Variants in ZNF644 observed in about 807,000 individuals in gnomAD.
The protein encoded by ZNF644 is zinc finger protein 644, also known as zinc finger motif enhancer binding protein 2.
ZNF644 carries 20 observed loss-of-function variants against 108.0 expected under a neutral mutation model. The ratio of observed to expected loss-of-function variants is 0.19; its 90% CI spans 0.13 to 0.27. The LOEUF is 0.27. ZNF644 is among the 10% of genes least tolerant of loss of function. The pLI, the probability that ZNF644 is intolerant of heterozygous loss-of-function variation, is 1.00. For synonymous variants in ZNF644, 542 were observed against 539.1 expected, an observed-to-expected ratio of 1.01 and a Z score of -0.08; for missense variants, 1,338 against 1,548.9, an observed-to-expected ratio of 0.86 and a Z score of 2.29.
chr1:90,938,052 G>T lies in ZNF644; in HGVS notation c.3121C>A (p.Gln1041Lys). 1 of 1,610,678 alleles carries T rather than the reference G, an allele frequency of 6.2e-7. No individual in the cohort carries two copies. The highest frequency in any genetic ancestry group is 1.1e-5 in the South Asian group (1 of 91,054). ...GTATCAAACCAACCACCACAGAGCT[G>T]ACAAGTGTGTTCAGAAGTGGTTTCA... ...KSETTSEHTC[Q>K]LCGGWFDTKI... is the part of the protein sequence containing the mutation. Residue 1041 changes from glutamine (Q) to lysine (K), a missense_variant, in exon 4 of 6, where the codon CAG becomes AAG. By Grantham distance (53) the Gln-to-Lys change is moderately conservative (BLOSUM62 1). This residue lies in a region of ZNF644 where 287 missense variants were observed against 310.9 expected (regional missense o/e 0.92). Transcript: ENST00000337393. The surrounding 1 kb of genome is among the most constrained non-coding windows in gnomAD (Gnocchi z 4.2).
At chr1:90,920,462 T>A (rs1247716175) in intron 4 of ZNF644, among the ~76,000 whole-genome samples, 1 of 151,784 alleles carries the variant, frequency 6.6e-6, no homozygotes, top group Non-Finnish European at 1.5e-5. Context: ...GCATTTAAAT[T>A]TACATGTTGT....
chr1:90,947,902 A>G (rs1652687156), intron 2 of ZNF644, among the ~76,000 whole-genome samples: 1 of 152,204 alleles, frequency 6.6e-6, no homozygotes, highest in Admixed American at 6.5e-5. Flanking sequence ...ATAAAAGATA[A>G]GATTAAAAAT....
At chr1:90,954,766 G>C (rs1653573164) in intron 2 of ZNF644, among the ~76,000 whole-genome samples, 1 of 152,240 alleles carries the variant, frequency 6.6e-6, no homozygotes, top group East Asian at 1.9e-4. Flanking sequence ...ACAGTTACTT[G>C]CTCCACTGTA....
intron 2 of ZNF644, among the ~76,000 whole-genome samples, chr1:90,949,990 C>T (rs1744543): frequency 0.14 from 21,258 of 151,662 alleles, 1,562 homozygotes; most frequent in African/African-American, 0.17. Context: ...AAAAAAATAG[C>T]GCTGGGGCCG....
Position 90,967,571 on chromosome 1 carries a change from A to G in ZNF644, c.44+14739T>C, listed in dbSNP as rs530244017. 2.0e-5 allele frequency among the ~76,000 whole-genome samples: 3 copies of G among 152,346 alleles called. No homozygotes were observed. In the East Asian group the frequency reaches 5.8e-4, roughly 29 times the overall value. The stretch of plus-strand genomic sequence containing the variant: ...CTGTTTTGAACAACTAAAAGGTAGT[A>G]GTCAACCTAATGAAGGAACACAGAC... On this transcript the variant is annotated intron_variant, in intron 2 of 5. Coordinates refer to ENST00000337393, the MANE Select transcript of ZNF644 (RefSeq NM_201269.3).
chr1:91,020,776 TAAAAC>T (rs1267311649), intron 1 of ZNF644: 3 of 149,626 alleles, frequency 2.0e-5, no homozygotes, highest in African/African-American at 7.4e-5. Flanking sequence ...AATACACAAT[TAAAAC>T]AAATCTACCA....
intron 2 of ZNF644, among the ~76,000 whole-genome samples, chr1:90,980,742 C>T (rs1656464472): frequency 6.6e-6 from 1 of 152,056 alleles, no homozygotes; most frequent in Admixed American, 6.6e-5. Flanking sequence ...TATATAAAAT[C>T]CAAGAACAGG....
At chr1:91,008,825 G>A (rs10489800) in intron 1 of ZNF644, among the ~76,000 whole-genome samples, 16,939 of 152,174 alleles carry the variant, frequency 0.11, 1,024 homozygotes, top group South Asian at 0.16. Flanking sequence ...CACAGATGAA[G>A]GTGATACATG....
intron 4 of ZNF644, among the ~76,000 whole-genome samples, chr1:90,926,629 A>G (rs936010981): frequency 6.6e-6 from 1 of 152,356 alleles, no homozygotes; most frequent in Non-Finnish European, 1.5e-5. Flanking sequence ...TCTACCAGAC[A>G]GCATGGTAGC....
At chr1:91,008,690 T>C (rs1457253845) in intron 1 of ZNF644, among the ~76,000 whole-genome samples, 1 of 152,188 alleles carries the variant, frequency 6.6e-6, no homozygotes, top group Non-Finnish European at 1.5e-5. Flanking sequence ...CCACTGTATT[T>C]TGCTTTAGCT....
chr1:90,918,088 G>A lies in ZNF644; in HGVS notation c.3755C>T (p.Pro1252Leu), dbSNP rs1244845924. The A allele has an allele frequency of 6.2e-7, 1 of 1,613,886 alleles. No homozygotes were observed. The highest frequency in any genetic ancestry group is 8.5e-7 in the Non-Finnish European group (1 of 1,179,962). ...AATGTAAACCTCGTCAGCACCATGA[G>A]GTAATGTTAGCATTTTCTTCTTGCT... Reference protein sequence around the residue: ...SGSKKKMLTLPHGADEVYILR... With the variant: ...SGSKKKMLTLLHGADEVYILR... The change falls in exon 5 of 6, where the codon CCT becomes CTT. Residue 1252 changes from proline to leucine, a missense_variant. By Grantham distance (98) the Pro-to-Leu change is moderately conservative. Coordinates refer to ENST00000337393, the MANE Select transcript of ZNF644 (RefSeq NM_201269.3).
At chr1:90,934,196 C>G (rs770859376) in intron 4 of ZNF644, among the ~76,000 whole-genome samples, 3 of 152,116 alleles carry the variant, frequency 2.0e-5, no homozygotes, top group Non-Finnish European at 4.4e-5. Context: ...CCACTCCTCT[C>G]TTTTTAATAT....
intron 1 of ZNF644, among the ~76,000 whole-genome samples, chr1:90,998,541 T>A (rs1424794776): frequency 6.6e-6 from 1 of 152,148 alleles, no homozygotes; most frequent in Non-Finnish European, 1.5e-5. Context: ...CAAAACCCCA[T>A]CTCTACGTCA....
chr1:91,001,267 A>G (rs1658754232), intron 1 of ZNF644, among the ~76,000 whole-genome samples: 2 of 152,292 alleles, frequency 1.3e-5, no homozygotes, highest in Admixed American at 6.5e-5. Context: ...CCTGATGAAC[A>G]TCGATGCAAA....
At position 90,940,647 on chromosome 1, in the gene ZNF644, T is replaced by C; in HGVS notation, c.707A>G (p.Asp236Gly). Residue 236 changes from aspartate to glycine, a missense_variant, in exon 3 of 6, where the codon GAT becomes GGT. Physicochemically the swap from Asp to Gly is moderately conservative, Grantham distance 94. Around this residue, in one of 6 missense-constraint regions of ZNF644, gnomAD observed 464 missense variants for 457.9 expected, o/e 1.01. Coordinates refer to ENST00000337393, the MANE Select transcript of ZNF644 (RefSeq NM_201269.3). ...AATTCCCGTTACTGTATTGACACAA[T>C]CATCTTTCACCAATAAATCTTCACC... ...EDGEDLLVKD[D>G]CVNTVTGISS... 6.2e-7 allele frequency: 1 copy of C among 1,614,056 alleles called. No homozygotes were observed. The highest frequency in any genetic ancestry group is 1.1e-5 in the South Asian group (1 of 91,076).
At position 91,003,259 on chromosome 1, in the gene ZNF644, T is replaced by C. The variant is rs561882034; in HGVS notation, c.-18+18731A>G. Among the ~76,000 whole-genome samples the C allele has an allele frequency of 7.9e-5, 12 of 152,188 alleles. 1 individual carries two copies. In the South Asian group the frequency reaches 2.1e-3, roughly 26 times the overall value. On this transcript the variant is annotated intron_variant, in intron 1 of 5. Transcript: ENST00000337393. Reference sequence around the variant, plus strand: ...ATGTTTATTGCGGCACTATTCACAATAGCAAAGACTTGGAACCAACCCAAA... The same window carrying C: ...ATGTTTATTGCGGCACTATTCACAACAGCAAAGACTTGGAACCAACCCAAA...
At chr1:90,974,400 T>C (rs1655796222) in intron 2 of ZNF644, among the ~76,000 whole-genome samples, 1 of 152,058 alleles carries the variant, frequency 6.6e-6, no homozygotes, top group Admixed American at 6.5e-5. Context: ...TATAGATAGG[T>C]CTCATATCTA....
intron 1 of ZNF644, among the ~76,000 whole-genome samples, chr1:91,011,767 T>G (rs1160137518): frequency 1.3e-5 from 2 of 152,148 alleles, no homozygotes; most frequent in African/African-American, 2.4e-5. Flanking sequence ...AAAAAAAAAG[T>G]ACACCTATTT....
At chr1:90,968,438 G>A (rs1655146969) in intron 2 of ZNF644, among the ~76,000 whole-genome samples, 1 of 152,120 alleles carries the variant, frequency 6.6e-6, no homozygotes, top group South Asian at 2.1e-4. Flanking sequence ...TTTGGGGGGG[G>A]AGCCTCTCAT....
Sources: allele counts gnomAD v4.1 joint callset (sites outside exome capture counted in the v4.1 genomes callset), GRCh38; gene constraint gnomAD v4.1.1; regional missense constraint gnomAD v4.1.1; non-coding constraint Gnocchi (gnomAD v3.1); transcripts MANE v1.5; gene names NCBI Gene and HGNC (gene_info 2026-07-23, HGNC 2026-07-21).